Variants in NF1 observed in about 807,000 individuals in gnomAD.
NF1 encodes the protein neurofibromin.
In NF1, 122 loss-of-function variants were observed where a neutral mutation model predicts 325.7. That is an observed-to-expected ratio of 0.37 (90% CI 0.32 to 0.44). The LOEUF (loss-of-function observed/expected upper bound fraction) is 0.44. Among genes scored for constraint, NF1 ranks in the 20% least tolerant of loss-of-function variants. The probability of loss-of-function intolerance (pLI) is 1.00; values close to 1 mark genes in which losing one functional copy is unlikely to be tolerated. For missense variants in NF1, 2,140 were observed against 3,415.4 expected (o/e 0.63, Z 9.31); for synonymous variants, 1,091 against 1,186.0 (o/e 0.92, Z 1.65).
At chr17:31,211,514 C>T (rs1406007448) in intron 12 of NF1, among the ~76,000 whole-genome samples, 1 of 152,136 alleles carries the variant, frequency 6.6e-6, no homozygotes, top group Non-Finnish European at 1.5e-5. Context: ...GAAATGAGTG[C>T]ATCCTTAGTG....
chr17:31,115,464 C>T (rs193155639), intron 1 of NF1, among the ~76,000 whole-genome samples: 23 of 152,328 alleles, frequency 1.5e-4, no homozygotes, highest in African/African-American at 5.3e-4. Flanking sequence ...AACAAAACTT[C>T]TGCTAATGGA....
intron 1 of NF1, among the ~76,000 whole-genome samples, chr17:31,142,681 C>T (rs1475980623): frequency 6.6e-6 from 1 of 152,032 alleles, no homozygotes; most frequent in Admixed American, 6.5e-5. Flanking sequence ...TCCTGGGTAA[C>T]ACAGTGAAAC....
Position 31,330,504 on chromosome 17 carries a change from T to C in NF1, c.5812+6T>C. ...TTCTGGATTTAGCAAATCTAGTAAGTAATGATAATTTTCTTTAATACTAAC... is the reference window on the plus strand; with the variant it reads ...TTCTGGATTTAGCAAATCTAGTAAGCAATGATAATTTTCTTTAATACTAAC... On this transcript the variant is annotated splice_donor_region_variant and intron_variant, in intron 39 of 57. Coordinates refer to ENST00000358273, the MANE Select transcript of NF1 (RefSeq NM_001042492.3). 1.3e-6 allele frequency: 2 copies of C among 1,585,482 alleles called. No homozygotes were observed. The highest frequency in any genetic ancestry group is 1.7e-6 in the Non-Finnish European group (2 of 1,154,468).
intron 1 of NF1, among the ~76,000 whole-genome samples, chr17:31,099,583 G>T (rs1329930111): frequency 7.8e-5 from 11 of 141,688 alleles, no homozygotes; most frequent in Non-Finnish European, 1.5e-4. Context: ...TTTTGAGACA[G>T]AGTTTCGCTC....
intron 29 of NF1, 135 bp downstream of exon 29, chr17:31,236,156 T>C (rs2067200490): frequency 3.0e-6 from 2 of 666,190 alleles, no homozygotes; most frequent in East Asian, 2.8e-5. Flanking sequence ...AAAAGTTATA[T>C]ACAAATACAC....
chr17:31,257,711 A>G (rs2151460911), intron 31 of NF1: 1 of 151,972 alleles, frequency 6.6e-6, no homozygotes, highest in Middle Eastern at 3.5e-3. Context: ...CCATCCCTCC[A>G]TGGTTTAAAT....
At chr17:31,282,117 T>G (rs2068130525) in intron 36 of NF1, among the ~76,000 whole-genome samples, 1 of 151,976 alleles carries the variant, frequency 6.6e-6, no homozygotes, top group Admixed American at 6.5e-5. Flanking sequence ...GCGTGGTGGT[T>G]CACGCCTGTA....
chr17:31,260,039 C>G (rs2067656138), intron 33 of NF1, among the ~76,000 whole-genome samples: 1 of 152,150 alleles, frequency 6.6e-6, no homozygotes, highest in South Asian at 2.1e-4. Flanking sequence ...TCTGACCTAG[C>G]AGGCTATATA....
chr17:31,228,779 G>T (rs2067059977), intron 20 of NF1, among the ~76,000 whole-genome samples: 1 of 152,080 alleles, frequency 6.6e-6, no homozygotes, highest in Non-Finnish European at 1.5e-5. Context: ...ATGTTTCCAA[G>T]GTTCATCCAT....
intron 36 of NF1, chr17:31,319,120 T>A (rs2069109789): frequency 7.7e-7 from 1 of 1,295,478 alleles, no homozygotes; most frequent in Non-Finnish European, 1.1e-6. Flanking sequence ...ATGTTACAAG[T>A]AAACTACAAG....
chr17:31,339,526 C>T (rs2069765190), intron 46 of NF1, among the ~76,000 whole-genome samples: 1 of 152,126 alleles, frequency 6.6e-6, no homozygotes, highest in Non-Finnish European at 1.5e-5. Flanking sequence ...GGAGAAATAA[C>T]AGAGAAATAA....
chr17:31,333,239 C>G (rs2069552278), intron 39 of NF1, among the ~76,000 whole-genome samples: 1 of 152,054 alleles, frequency 6.6e-6, no homozygotes, highest in Admixed American at 6.6e-5. Flanking sequence ...ATAACAAGAC[C>G]TTAAGACTAT....
chr17:31,296,619 CTTAT>C (rs1026937971), intron 36 of NF1: 1 of 396,420 alleles, frequency 2.5e-6, no homozygotes, highest in African/African-American at 2.0e-5. Context: ...CATATTCTTT[CTTAT>C]TTATCTTTCT....
chr17:31,136,200 G>C (rs1018624247), intron 1 of NF1: 1 of 151,924 alleles, frequency 6.6e-6, no homozygotes, highest in Non-Finnish European at 1.5e-5. Flanking sequence ...GTGGTGGTGG[G>C]CGTCTGTAGT....
chr17:31,279,345 T>C (rs1425588665), intron 36 of NF1, among the ~76,000 whole-genome samples: 1 of 152,226 alleles, frequency 6.6e-6, no homozygotes, highest in Non-Finnish European at 1.5e-5. Flanking sequence ...GCACCTGATG[T>C]TGTCTGAAAG....
At chr17:31,133,086 A>C (rs1263432254) in intron 1 of NF1, 2 of 152,248 alleles carry the variant, frequency 1.3e-5, no homozygotes, top group African/African-American at 4.8e-5. Flanking sequence ...ACCAATCTAC[A>C]GAACTCCCTT....
chr17:31,352,836 A>G (rs1271738257), intron 51 of NF1, among the ~76,000 whole-genome samples: 1 of 152,180 alleles, frequency 6.6e-6, no homozygotes, highest in African/African-American at 2.4e-5. Context: ...TAATAGTACT[A>G]TTTGCCGTGC....
At chr17:31,233,258 G>A (rs2151435921) in intron 27 of NF1, 45 bp downstream of exon 27, 2 of 1,463,122 alleles carry the variant, frequency 1.4e-6, no homozygotes, top group Non-Finnish European at 1.9e-6. Context: ...CTGGCACATA[G>A]CAAATCCTTC....
chr17:31,295,306 A>G, intron 36 of NF1: 1 of 1,614,088 alleles, frequency 6.2e-7, no homozygotes, highest in South Asian at 1.1e-5. Flanking sequence ...GTGAATTGAT[A>G]GTCTCTGTGG....
Sources: gnomAD v4.1 joint callset for allele counts (sites outside exome capture counted in the v4.1 genomes callset) on GRCh38, gnomAD v4.1.1 for gene constraint, MANE v1.5 for transcripts, NCBI Gene and HGNC (gene_info 2026-07-23, HGNC 2026-07-21) for gene names.